PCDH11X: variants seen among roughly 807,000 people sequenced by gnomAD.
PCDH11X encodes the protein protocadherin-11 X-linked.
A neutral mutation model predicts 53.3 loss-of-function variants in PCDH11X; 18 were observed. That is an observed-to-expected ratio of 0.34 (90% CI 0.23 to 0.50). The LOEUF is 0.50. Ranked by LOEUF, PCDH11X falls within the 20% of genes least tolerant of loss-of-function variation. The pLI is 0.98. For missense variants in PCDH11X, 570 were observed against 1,032.4 expected, an observed-to-expected ratio of 0.55 and a Z score of 6.14; for synonymous variants, 279 against 393.3, an observed-to-expected ratio of 0.71 and a Z score of 3.44.
chrX:91,982,517 A>G (rs1485609379), intron 6 of PCDH11X: 1 of 407,698 alleles, frequency 2.5e-6, no homozygotes, highest in African/African-American at 2.6e-5. Context: ...TTAAAGCTGA[A>G]TCATCTTTAA....
intron 6 of PCDH11X, among the ~76,000 whole-genome samples, chrX:91,943,513 T>C (rs904581489): frequency 9.1e-6 from 1 of 110,264 alleles, no homozygotes; most frequent in African/African-American, 3.3e-5. Flanking sequence ...TCATAGCAAA[T>C]ATAAGAAAAA....
intron 9 of PCDH11X, among the ~76,000 whole-genome samples, chrX:92,407,969 T>C (rs2071559469): frequency 9.2e-6 from 1 of 109,083 alleles, no homozygotes; most frequent in Non-Finnish European, 1.9e-5. Flanking sequence ...CACTGAAACC[T>C]CTGCCTCCGG....
At chrX:92,464,264 C>T (rs1431270471) in intron 9 of PCDH11X, among the ~76,000 whole-genome samples, 1 of 110,914 alleles carries the variant, frequency 9.0e-6, no homozygotes, top group Non-Finnish European at 1.9e-5. Context: ...GGCTGTGTCC[C>T]CACCCAAATC....
At chrX:91,938,674 A>G (rs2061474186) in intron 6 of PCDH11X, among the ~76,000 whole-genome samples, 1 of 111,093 alleles carries the variant, frequency 9.0e-6, no homozygotes, top group Admixed American at 9.6e-5. Flanking sequence ...TTACAGAATA[A>G]TGCCTGGTTC....
intron 5 of PCDH11X, among the ~76,000 whole-genome samples, chrX:91,861,984 G>A (rs1426160112): frequency 1.9e-4 from 21 of 110,741 alleles, no homozygotes; most frequent in African/African-American, 6.9e-4. Context: ...CTTGGTGAGA[G>A]CTGCCAACCA....
intron 8 of PCDH11X, among the ~76,000 whole-genome samples, chrX:92,386,124 C>T: frequency 9.0e-6 from 1 of 111,190 alleles, no homozygotes; most frequent in East Asian, 2.8e-4. Flanking sequence ...TCATTTTCTC[C>T]TATTTTATTG....
At chrX:91,945,048 CATATATAT>C (rs754168068) in intron 6 of PCDH11X, among the ~76,000 whole-genome samples, 1 of 63,242 alleles carries the variant, frequency 1.6e-5, no homozygotes, top group Admixed American at 2.6e-4. Flanking sequence ...ACATCATATA[CATATATAT>C]ATATATATAT....
At chrX:92,502,422 C>T (rs1278846579) in intron 10 of PCDH11X, among the ~76,000 whole-genome samples, 1 of 108,321 alleles carries the variant, frequency 9.2e-6, no homozygotes, top group African/African-American at 3.4e-5. Context: ...CAAGTTAATC[C>T]ATAGCAAAAA....
chrX:92,489,758 T>C (rs1178691020), intron 10 of PCDH11X, among the ~76,000 whole-genome samples: 1 of 105,536 alleles, frequency 9.5e-6, no homozygotes, highest in Non-Finnish European at 1.9e-5. Context: ...AATTTATATA[T>C]ATATATAAAT....
At chrX:92,066,611 T>C (rs2063610932) in intron 6 of PCDH11X, among the ~76,000 whole-genome samples, 2 of 111,139 alleles carry the variant, frequency 1.8e-5, no homozygotes, top group South Asian at 7.5e-4. Context: ...GTAAATGGGA[T>C]TACTTTTTTA....
At chrX:92,511,545 C>G (rs999212910) in intron 10 of PCDH11X, among the ~76,000 whole-genome samples, 28 of 111,659 alleles carry the variant, frequency 2.5e-4, no homozygotes, top group Admixed American at 2.4e-3. Flanking sequence ...ATGCCTGTCA[C>G]AGAGTATTTT....
intron 4 of PCDH11X, among the ~76,000 whole-genome samples, chrX:91,823,549 A>C (rs773188238): frequency 1.8e-5 from 2 of 110,427 alleles, no homozygotes; most frequent in South Asian, 7.7e-4. Context: ...CTATCCTTTT[A>C]TTTTGAGCCT....
intron 6 of PCDH11X, among the ~76,000 whole-genome samples, chrX:92,101,795 G>A (rs1386774957): frequency 3.6e-5 from 4 of 110,732 alleles, no homozygotes; most frequent in African/African-American, 6.6e-5. Context: ...TGAGCTTGAT[G>A]TGTAGGGAAG....
rs1157215341 is a variant in PCDH11X, at chrX:92,166,133, TTTTTA to T, written c.3034-35237_3034-35233del. Among the ~76,000 whole-genome samples the T allele has an allele frequency of 5.1e-4, 56 of 109,073 alleles. 2 individuals carry two copies. The highest frequency in any genetic ancestry group is 1.9e-3 in the African/African-American group (56 of 30,131). The allele number at this position is 109,073 out of a possible 115,157, so 94.7% of individuals were successfully genotyped here. A position where few individuals can be genotyped will look rare whatever the true frequency, so the allele number is the denominator to read the frequency against. ...ATATTTAAATATAGCTGACCACTGTTTTTTATTTTTTCACACAATAATGAAATATA... is the reference window on the plus strand; with the variant it reads ...ATATTTAAATATAGCTGACCACTGTTTTTTTTCACACAATAATGAAATATA... On this transcript the variant is annotated intron_variant, in intron 6 of 10. Transcript: ENST00000682573.
At chrX:92,527,602 C>T (rs2074479339) in intron 10 of PCDH11X, among the ~76,000 whole-genome samples, 1 of 110,558 alleles carries the variant, frequency 9.0e-6, no homozygotes, top group African/African-American at 3.3e-5. Flanking sequence ...GTCTTATTTA[C>T]TATAATAAGC....
chrX:91,955,158 A>C (rs2061692871), intron 6 of PCDH11X, among the ~76,000 whole-genome samples: 1 of 111,421 alleles, frequency 9.0e-6, no homozygotes, highest in African/African-American at 3.3e-5. Flanking sequence ...TTCTAGTTTC[A>C]ATTTTCTGCG....
intron 10 of PCDH11X, among the ~76,000 whole-genome samples, chrX:92,588,614 G>T (rs1055613388): frequency 9.2e-6 from 1 of 108,700 alleles, no homozygotes; most frequent in Non-Finnish European, 1.9e-5. Flanking sequence ...AGAGAAGAAA[G>T]AATAAAGAAT....
chrX:91,951,238 G>A (rs1386845649), intron 6 of PCDH11X, among the ~76,000 whole-genome samples: 1 of 110,299 alleles, frequency 9.1e-6, no homozygotes, highest in Non-Finnish European at 1.9e-5. Flanking sequence ...GTTTGCTATG[G>A]AACACTGTGC....
chrX:92,506,177 T>A (rs192067325), intron 10 of PCDH11X, among the ~76,000 whole-genome samples: 2 of 107,820 alleles, frequency 1.9e-5, no homozygotes, highest in Admixed American at 2.0e-4. Flanking sequence ...TTAAAAACAT[T>A]ATCCTCTTTT....
Sources: gnomAD v4.1 joint callset for allele counts (sites outside exome capture counted in the v4.1 genomes callset) on GRCh38, gnomAD v4.1.1 for gene constraint, MANE v1.5 for transcripts, NCBI Gene and HGNC (gene_info 2026-07-23, HGNC 2026-07-21) for gene names.